SLC45A4: variants seen among roughly 807,000 people sequenced by gnomAD.
SLC45A4 encodes solute carrier family 45 member 4, also known as polyamine-transporter SLC45A4.
In SLC45A4, 32 loss-of-function variants were observed where a neutral mutation model predicts 63.7. The observed-to-expected ratio is 0.50, with a 90% CI of 0.38 to 0.67. The LOEUF is 0.67. Ranked by LOEUF, SLC45A4 falls within the 30% of genes least tolerant of loss-of-function variation. SLC45A4 has a pLI of 0.00. For missense variants in SLC45A4, 1,027 were observed against 1,157.7 expected (o/e 0.89, Z 1.64); for synonymous variants, 535 against 510.0 (o/e 1.05, Z -0.66).
At chr8:141,230,980 G>A (rs1014662780) in intron 2 of SLC45A4, among the ~76,000 whole-genome samples, 14 of 151,900 alleles carry the variant, frequency 9.2e-5, no homozygotes, top group East Asian at 2.0e-4. Context: ...CGGCAACAGC[G>A]TGTGACACCC....
intron 2 of SLC45A4, among the ~76,000 whole-genome samples, chr8:141,240,639 T>G (rs944430725): frequency 6.6e-5 from 10 of 152,102 alleles, no homozygotes; most frequent in Non-Finnish European, 8.8e-5. Flanking sequence ...TTGGGGAGGT[T>G]GAGGTGAAAG....
In SLC45A4 at chr8:141,211,476, T is replaced by TC. The variant is rs1460816568; in HGVS notation, c.*95dup. On this transcript the variant is annotated 3_prime_UTR_variant, in exon 9 of 9. Coordinates refer to ENST00000517878, the MANE Select transcript of SLC45A4 (RefSeq NM_001286646.2). The stretch of plus-strand genomic sequence containing the variant: ...TCTGCCCAGGCCCCCCGGACCAGCC[T>TC]CCTCCCAGCTTTGGTGTGCGGTCGC... The TC allele has an allele frequency of 6.2e-7, 1 of 1,601,672 alleles. No individual in the cohort carries two copies. Among genetic ancestry groups the TC allele is most frequent in the Admixed American group, 1.7e-5 (1 of 58,750 alleles).
At chr8:141,258,002 C>T (rs773293638) in intron 1 of SLC45A4, among the ~76,000 whole-genome samples, 126 of 151,598 alleles carry the variant, frequency 8.3e-4, no homozygotes, top group Non-Finnish European at 1.5e-3. Context: ...TGAACATTTC[C>T]GGGATTTCGG....
chr8:141,233,124 T>C (rs1827451018), intron 2 of SLC45A4, among the ~76,000 whole-genome samples: 1 of 152,244 alleles, frequency 6.6e-6, no homozygotes, highest in Non-Finnish European at 1.5e-5. Flanking sequence ...AGTAACTTTT[T>C]TCACAATGGA....
chr8:141,294,892 C>T (rs1185589040), intron 1 of SLC45A4, among the ~76,000 whole-genome samples: 1 of 152,226 alleles, frequency 6.6e-6, no homozygotes, highest in African/African-American at 2.4e-5. Flanking sequence ...TGGGGGCTCC[C>T]AGGGCACTCC....
chr8:141,288,349 G>C (rs751381466), intron 1 of SLC45A4, among the ~76,000 whole-genome samples: 153 of 152,328 alleles, frequency 1.0e-3, no homozygotes, highest in Non-Finnish European at 1.6e-3. Flanking sequence ...ATGGCACTTA[G>C]GGGTGTTCAA....
chr8:141,272,881 C>T (rs945483657), intron 1 of SLC45A4, among the ~76,000 whole-genome samples: 1 of 152,214 alleles, frequency 6.6e-6, no homozygotes, highest in Non-Finnish European at 1.5e-5. Flanking sequence ...ACGGTAAATA[C>T]TCCTCAATAC....
At chr8:141,255,742 C>CA (rs11341085) in intron 1 of SLC45A4, among the ~76,000 whole-genome samples, 1 of 151,054 alleles carries the variant, frequency 6.6e-6, no homozygotes, top group African/African-American at 2.5e-5. Context: ...AACAAACAAA[C>CA]AAAAAAAACA....
chr8:141,243,497 A>G (rs1589804471), intron 2 of SLC45A4, among the ~76,000 whole-genome samples: 1 of 152,330 alleles, frequency 6.6e-6, no homozygotes, highest in African/African-American at 2.4e-5. Context: ...ATTTAAATAC[A>G]GGCCGGGTGC....
chr8:141,221,637 G>A lies in SLC45A4; in HGVS notation c.370C>T (p.Leu124Phe), dbSNP rs757182744. Reference protein sequence around the residue: ...LSWGRRRPFILALCVGVLFGV... With the variant: ...LSWGRRRPFIFALCVGVLFGV... ...AAGAGGACGCCAACGCAGAGGGCGA[G>A]GATGAAGGGCCGCCGGCGGCCCCAG... is the stretch of plus-strand genomic sequence containing the variant. Residue 124 changes from leucine to phenylalanine, a missense_variant, in exon 3 of 9, where the codon CTC becomes TTC. Leu to Phe is a conservative substitution (Grantham distance 22). Transcript: ENST00000517878. The A allele has an allele frequency of 6.8e-6, 11 of 1,613,970 alleles. No individual in the cohort carries two copies. Among genetic ancestry groups the A allele is most frequent in the African/African-American group, 6.7e-5 (5 of 74,958 alleles).
In SLC45A4 at chr8:141,215,616, G is replaced by A; in HGVS notation, c.1941+143C>T. 2.4e-6 allele frequency: 2 copies of A among 822,388 alleles called. No homozygotes were observed. The highest frequency in any genetic ancestry group is 3.9e-6 in the Non-Finnish European group (2 of 519,148). The allele number at this position is 822,388 out of a possible 1,614,324, so 50.9% of individuals were successfully genotyped here. ...GCAGGTGGTGGCTCTGTGGGCTTTG[G>A]AAGGGGCCATCTCAGAACCGGAGAG... On this transcript the variant is annotated intron_variant, in intron 7 of 8. Transcript: ENST00000517878. The surrounding 1 kb of genome is among the most constrained non-coding windows in gnomAD (Gnocchi z 4.3).
At chr8:141,258,482 ATCGGCC>A (rs921260209) in intron 1 of SLC45A4, among the ~76,000 whole-genome samples, 18 of 152,184 alleles carry the variant, frequency 1.2e-4, no homozygotes, top group Admixed American at 1.1e-3. Context: ...CCAGGCAACC[ATCGGCC>A]TCTCACATGG....
intron 1 of SLC45A4, among the ~76,000 whole-genome samples, chr8:141,307,082 G>GCGGCCCTTCC (rs1012983534): frequency 6.6e-6 from 1 of 152,172 alleles, no homozygotes; most frequent in Non-Finnish European, 1.5e-5. Context: ...AGGAGGTCAA[G>GCGGCCCTTCC]CGGCCCTTCC....
At position 141,254,981 on chromosome 8, in the gene SLC45A4, G is replaced by GCAGCTGGCGA. The variant is rs1828702263; in HGVS notation, c.-400-362_-400-353dup. Among the ~76,000 whole-genome samples the GCAGCTGGCGA allele has an allele frequency of 2.0e-5, 3 of 152,214 alleles. No individual in the cohort carries two copies. Among genetic ancestry groups the GCAGCTGGCGA allele is most frequent in the African/African-American group, 7.2e-5 (3 of 41,450 alleles). On this transcript the variant is annotated intron_variant, in intron 1 of 8. Transcript: ENST00000517878. This position sits in a 1 kb window ranked among gnomAD's most constrained non-coding sequence, Gnocchi z 4.5. ...ACGTAACTATTCCAGCAGGCTGGAG[G>GCAGCTGGCGA]CAGCTGGCGACACCCTTTGTGGCTG...
At chr8:141,212,123 T>C (rs1403210105) in intron 8 of SLC45A4, 74 bp downstream of exon 8, 24 of 1,427,676 alleles carry the variant, frequency 1.7e-5, no homozygotes, top group Non-Finnish European at 2.1e-5. Flanking sequence ...CTCCCGCCCA[T>C]GGCCTGGCCC....
intron 1 of SLC45A4, among the ~76,000 whole-genome samples, chr8:141,274,394 C>T (rs1306093262): frequency 6.6e-6 from 1 of 151,892 alleles, no homozygotes; most frequent in Non-Finnish European, 1.5e-5. Context: ...ATAAGCTGGG[C>T]GTGGTGACAG....
chr8:141,299,765 T>C (rs1429503143), intron 1 of SLC45A4, among the ~76,000 whole-genome samples: 1 of 152,270 alleles, frequency 6.6e-6, no homozygotes, highest in Non-Finnish European at 1.5e-5. Flanking sequence ...GACTCTGCTG[T>C]ACCTGTTCTT....
rs1827847209 is a variant in SLC45A4, at chr8:141,240,261, T to A, written c.241+13728A>T. On this transcript the variant is annotated intron_variant, in intron 2 of 8. Transcript: ENST00000517878. ...ACGATCTTCGTCGAGTGGAGAGAAG[T>A]TAGGCTCTCACGTTAATCCAGTTCT... is the stretch of plus-strand genomic sequence containing the variant. Among the ~76,000 whole-genome samples, 3 of 152,202 alleles carry A rather than the reference T, an allele frequency of 2.0e-5. No individual in the cohort carries two copies. The South Asian group carries it at 6.2e-4, about 32-fold the overall frequency.
intron 2 of SLC45A4, chr8:141,252,244 TA>T (rs1828499941): frequency 6.6e-6 from 1 of 152,124 alleles, no homozygotes; most frequent in Non-Finnish European, 1.5e-5. Context: ...ACAAAATTTT[TA>T]GGGCCCAAGA....
Sources: allele counts gnomAD v4.1 joint callset (sites outside exome capture counted in the v4.1 genomes callset), GRCh38; gene constraint gnomAD v4.1.1; non-coding constraint Gnocchi (gnomAD v3.1); transcripts MANE v1.5; gene names NCBI Gene and HGNC (gene_info 2026-07-23, HGNC 2026-07-21).